Variants in CDH8 observed in about 807,000 individuals in gnomAD.
CDH8 encodes cadherin 8, also known as cadherin-8.
A neutral mutation model predicts 68.1 loss-of-function variants in CDH8; 17 were observed. That is an observed-to-expected ratio of 0.25 (90% CI 0.17 to 0.37). CDH8 has a LOEUF of 0.37. Among genes scored for constraint, CDH8 ranks in the 10% least tolerant of loss-of-function variants. The pLI is 1.00. For missense variants in CDH8, 763 were observed against 999.3 expected, an observed-to-expected ratio of 0.76 and a Z score of 3.19; for synonymous variants, 372 against 365.1, an observed-to-expected ratio of 1.02 and a Z score of -0.21.
At chr16:61,879,577 T>G (rs540213924) in intron 3 of CDH8, among the ~76,000 whole-genome samples, 1 of 152,220 alleles carries the variant, frequency 6.6e-6, no homozygotes, top group Non-Finnish European at 1.5e-5. Context: ...CCTCACAAAC[T>G]GCTCTGTGCC....
chr16:61,884,747 C>T (rs1349266306), intron 3 of CDH8, among the ~76,000 whole-genome samples: 2 of 152,112 alleles, frequency 1.3e-5, no homozygotes, highest in Non-Finnish European at 2.9e-5. Context: ...AGAATACACA[C>T]AACATAAAAA....
chr16:61,915,377 T>C (rs922835740), intron 2 of CDH8, among the ~76,000 whole-genome samples: 3 of 152,206 alleles, frequency 2.0e-5, no homozygotes, highest in African/African-American at 7.2e-5. Flanking sequence ...ATGAGGCACA[T>C]ACAAAATTCT....
intron 2 of CDH8, among the ~76,000 whole-genome samples, chr16:62,019,565 T>G (rs1306961032): frequency 6.6e-6 from 1 of 152,208 alleles, no homozygotes; most frequent in East Asian, 1.9e-4. Flanking sequence ...CAGCAGGGTC[T>G]GGGGCAGCAC....
Position 61,687,210 on chromosome 16 carries a change from T to TAAAA in CDH8, c.1654+26627_1654+26630dup, listed in dbSNP as rs566208337. 3.2e-3 allele frequency among the ~76,000 whole-genome samples: 490 copies of TAAAA among 151,972 alleles called. 1 individual carries two copies. The highest frequency in any genetic ancestry group is 0.011 in the African/African-American group (467 of 41,494). On this transcript the variant is annotated intron_variant, in intron 10 of 11. Coordinates refer to ENST00000577390, the MANE Select transcript of CDH8 (RefSeq NM_001796.5). ...AATAAAAAGGGAAGAAACACAACTG[T>TAAAA]AAAAGAAAGTGGCAATGTTCAGTCC...
At chr16:62,032,289 T>C (rs1902345810) in intron 1 of CDH8, among the ~76,000 whole-genome samples, 1 of 151,812 alleles carries the variant, frequency 6.6e-6, no homozygotes, top group East Asian at 1.9e-4. Context: ...AATAAATGAG[T>C]TCGTTATCTG....
chr16:61,688,685 C>T (rs530060913), intron 10 of CDH8, among the ~76,000 whole-genome samples: 3 of 151,918 alleles, frequency 2.0e-5, no homozygotes, highest in Non-Finnish European at 2.9e-5. Flanking sequence ...CCCTGCCATT[C>T]TATCCTCAGG....
chr16:61,990,542 G>T (rs55769316), intron 2 of CDH8, among the ~76,000 whole-genome samples: 5,100 of 152,190 alleles, frequency 0.034, 201 homozygotes, highest in African/African-American at 0.092. Context: ...ACCAGGCACA[G>T]TGGCTCGTAC....
intron 2 of CDH8, among the ~76,000 whole-genome samples, chr16:62,002,400 T>G (rs926601848): frequency 6.6e-6 from 1 of 152,216 alleles, no homozygotes; most frequent in African/African-American, 2.4e-5. Flanking sequence ...TTCAGATGAC[T>G]GACCTTAGAG....
intron 8 of CDH8, among the ~76,000 whole-genome samples, chr16:61,767,199 T>A (rs1960617399): frequency 6.6e-6 from 1 of 152,022 alleles, no homozygotes; most frequent in African/African-American, 2.4e-5. Context: ...ACAAAAGTGA[T>A]GGTGATTTTC....
chr16:61,975,219 G>C (rs1475702231), intron 2 of CDH8, among the ~76,000 whole-genome samples: 3 of 152,012 alleles, frequency 2.0e-5, no homozygotes, highest in Non-Finnish European at 2.9e-5. Context: ...AAGTGCCACT[G>C]ACATTGAAAG....
intron 7 of CDH8, among the ~76,000 whole-genome samples, chr16:61,793,242 T>C (rs969083493): frequency 6.6e-6 from 1 of 151,958 alleles, no homozygotes; most frequent in African/African-American, 2.4e-5. Context: ...GATTAATTCA[T>C]TTCTTTTTTT....
chr16:61,953,109 G>T (rs1265571695), intron 2 of CDH8, among the ~76,000 whole-genome samples: 2 of 152,142 alleles, frequency 1.3e-5, no homozygotes, highest in African/African-American at 2.4e-5. Context: ...ACCATGTGGG[G>T]ACACAGAGAG....
intron 2 of CDH8, among the ~76,000 whole-genome samples, chr16:61,995,109 T>G (rs1965787477): frequency 6.6e-6 from 1 of 152,208 alleles, no homozygotes; most frequent in Non-Finnish European, 1.5e-5. Context: ...AGGTAAAATT[T>G]TATTAAAGAG....
chr16:61,884,936 ATAACAC>A (rs1420667830), intron 3 of CDH8, among the ~76,000 whole-genome samples: 1 of 152,128 alleles, frequency 6.6e-6, no homozygotes. Context: ...GCCACCCAAA[ATAACAC>A]ATATATTTTT....
intron 5 of CDH8, 43 bp from the exon 6 acceptor site, chr16:61,821,156 C>CCATT: frequency 1.3e-6 from 2 of 1,497,472 alleles, no homozygotes; most frequent in South Asian, 1.2e-5. Flanking sequence ...CAAATTCCAA[C>CCATT]CATTCATTCA....
intron 7 of CDH8, among the ~76,000 whole-genome samples, chr16:61,791,025 T>C (rs1961364993): frequency 6.6e-6 from 1 of 151,992 alleles, no homozygotes; most frequent in African/African-American, 2.4e-5. Flanking sequence ...ATAATTAAAA[T>C]ATTTGGAATA....
At chr16:61,729,078 T>C (rs1003219362) in intron 8 of CDH8, among the ~76,000 whole-genome samples, 5 of 151,204 alleles carry the variant, frequency 3.3e-5, no homozygotes, top group African/African-American at 1.2e-4. Flanking sequence ...CGTAATCATA[T>C]TTCATTCAAT....
chr16:61,817,371 T>A, intron 7 of CDH8, 108 bp downstream of exon 7: 1 of 1,064,910 alleles, frequency 9.4e-7, no homozygotes. Context: ...TATTTGGTCA[T>A]GTGAGCATAG....
intron 1 of CDH8, among the ~76,000 whole-genome samples, chr16:62,021,852 C>G: frequency 6.6e-6 from 1 of 152,110 alleles, no homozygotes; most frequent in Non-Finnish European, 1.5e-5. Flanking sequence ...TAGAAGTTCT[C>G]TTTTTCCTCC....
Sources: gnomAD v4.1 joint callset for allele counts (sites outside exome capture counted in the v4.1 genomes callset) on GRCh38, gnomAD v4.1.1 for gene constraint, MANE v1.5 for transcripts, NCBI Gene and HGNC (gene_info 2026-07-23, HGNC 2026-07-21) for gene names.